The following CCR3 variants were observed in gnomAD, a reference collection of about 807,000 sequenced individuals.
CCR3 encodes C-C chemokine receptor type 3.
For missense variants in CCR3, 419 were observed against 437.5 expected, an observed-to-expected ratio of 0.96 and a Z score of 0.38; for synonymous variants, 203 against 179.2, an observed-to-expected ratio of 1.13 and a Z score of -1.06.
chr3:46,245,973 A>G (rs76607249), intron 1 of CCR3, among the ~76,000 whole-genome samples: 299 of 152,224 alleles, frequency 2.0e-3, no homozygotes, highest in Non-Finnish European at 3.6e-3. Flanking sequence ...GTTTGATTTC[A>G]TGCAAAGGCT....
chr3:46,240,182 C>A (rs1173198070), upstream of CCR3, among the ~76,000 whole-genome samples: 2 of 152,128 alleles, frequency 1.3e-5, no homozygotes, highest in Non-Finnish European at 2.9e-5. Context: ...TGCAAAATTC[C>A]ACCCTCTGCC....
intron 1 of CCR3, chr3:46,264,889 C>T: frequency 2.1e-6 from 1 of 475,588 alleles, no homozygotes. Context: ...ATCTGTATCC[C>T]CATTCTTCAC....
intron 2 of CCR3, among the ~76,000 whole-genome samples, chr3:46,225,079 GA>G: frequency 6.6e-6 from 1 of 152,246 alleles, no homozygotes; most frequent in South Asian, 2.1e-4. Context: ...TCATATGAGA[GA>G]ATACTATATA....
chr3:46,241,164 G>GCACTCTCTCTCT (rs1339831772), upstream of CCR3, among the ~76,000 whole-genome samples: 1 of 47,836 alleles, frequency 2.1e-5, no homozygotes, highest in East Asian at 1.2e-3. Context: ...ACATGTGTGT[G>GCACTCTCTCTCT]CGCTCTCTCT....
chr3:46,219,931 C>G (rs1275507621), intron 2 of CCR3, among the ~76,000 whole-genome samples: 1 of 152,140 alleles, frequency 6.6e-6, no homozygotes, highest in East Asian at 1.9e-4. Flanking sequence ...TTGGCCTAAG[C>G]AAAGAGTTCA....
chr3:46,235,056 G>T (rs1182533769), intron 2 of CCR3, among the ~76,000 whole-genome samples: 1 of 152,226 alleles, frequency 6.6e-6, no homozygotes, highest in East Asian at 1.9e-4. Flanking sequence ...AAATTGGTCA[G>T]ATTTGGAAAG....
chr3:46,257,983 G>A lies in CCR3; in HGVS notation c.-11-7165G>A, dbSNP rs749175540. ...GTCTAAAGCAACAGAAGAAAAGTCT[G>A]TTCCAGCTCTCAAAGACAGACCAAT... On this transcript the variant is annotated intron_variant, in intron 1 of 1. Coordinates refer to ENST00000395940, the MANE Select transcript of CCR3 (RefSeq NM_178329.3). 2.0e-5 allele frequency among the ~76,000 whole-genome samples: 3 copies of A among 152,308 alleles called. No homozygotes were observed. In the South Asian group the frequency reaches 6.2e-4, roughly 32 times the overall value.
At chr3:46,248,733 G>A (rs1293204684) in intron 1 of CCR3, among the ~76,000 whole-genome samples, 1 of 152,214 alleles carries the variant, frequency 6.6e-6, no homozygotes, top group African/African-American at 2.4e-5. Flanking sequence ...GTCAGTCTAA[G>A]TGAAAGCAAA....
intron 2 of CCR3, among the ~76,000 whole-genome samples, chr3:46,236,009 G>A (rs1700020373): frequency 6.6e-6 from 1 of 152,168 alleles, no homozygotes; most frequent in East Asian, 1.9e-4. Context: ...GATGTCAAAT[G>A]TTACTTTGTT....
At chr3:46,247,835 C>T (rs567413562) in intron 1 of CCR3, among the ~76,000 whole-genome samples, 74 of 152,106 alleles carry the variant, frequency 4.9e-4, no homozygotes, top group Middle Eastern at 3.4e-3. Flanking sequence ...GGCAAATCCT[C>T]GAGCTTGATG....
chr3:46,258,934 A>G lies in CCR3; in HGVS notation c.-11-6214A>G, dbSNP rs570406756. ...AGAATAGTAGGATCTGATCTCTTAG[A>G]TCTCTAAGATTTAGGGCTACAATTC... On this transcript the variant is annotated intron_variant, in intron 1 of 1. Coordinates refer to ENST00000395940, the MANE Select transcript of CCR3 (RefSeq NM_178329.3). 3.3e-5 allele frequency among the ~76,000 whole-genome samples: 5 copies of G among 152,286 alleles called. No individual in the cohort carries two copies. The South Asian group carries it at 1.0e-3, about 32-fold the overall frequency.
At position 46,266,648 on chromosome 3, in the gene CCR3, C is replaced by A. The variant is rs1261643955; in HGVS notation, c.*422C>A. The A allele has an allele frequency of 5.8e-6, 1 of 172,324 alleles. No homozygotes were observed. The highest frequency in any genetic ancestry group is 2.4e-5 in the African/African-American group (1 of 41,632). 10.7% of individuals were successfully genotyped at this position (172,324 alleles called of 1,614,324 possible). On this transcript the variant is annotated 3_prime_UTR_variant, in exon 2 of 2. Transcript: ENST00000395940. ...ATTTTATTTTCTAATGTGCCTAGTT[C>A]TTTCCCTGCTTAATGAAAAGCTTGT...
At position 46,265,253 on chromosome 3, in the gene CCR3, T is replaced by A; in HGVS notation, c.95T>A (p.Leu32Gln). 5.6e-6 allele frequency: 9 copies of A among 1,614,070 alleles called. No homozygotes were observed. Among genetic ancestry groups the A allele is most frequent in the Non-Finnish European group, 7.6e-6 (9 of 1,179,972 alleles). Residue 32 changes from leucine (L) to glutamine (Q), a missense_variant, in exon 2 of 2, where the codon CTG becomes CAG. Leu to Gln is a moderately radical substitution (Grantham distance 113). Transcript: ENST00000395940. The part of the protein sequence containing the change: ...LLCEKADTRA[L>Q]MAQFVPPLYS... ...TGTGAAAAAGCTGATACCAGAGCAC[T>A]GATGGCCCAGTTTGTGCCCCCGCTG...
At chr3:46,246,379 C>T (rs994128482) in intron 1 of CCR3, among the ~76,000 whole-genome samples, 9 of 151,490 alleles carry the variant, frequency 5.9e-5, no homozygotes, top group Non-Finnish European at 1.0e-4. Flanking sequence ...AGAGAGTCAG[C>T]GAAGGGAGAT....
chr3:46,258,979 ACAG>A (rs1436404483), intron 1 of CCR3, among the ~76,000 whole-genome samples: 1 of 152,186 alleles, frequency 6.6e-6, no homozygotes, highest in Non-Finnish European at 1.5e-5. Flanking sequence ...TGACATAGAA[ACAG>A]CATTTTAAAA....
chr3:46,258,918 G>A (rs934707968), intron 1 of CCR3, among the ~76,000 whole-genome samples: 2 of 152,178 alleles, frequency 1.3e-5, no homozygotes, highest in Admixed American at 6.5e-5. Context: ...TAGAATAGTA[G>A]GATCTGATCT....
chr3:46,216,167 G>A (rs1699772014), intron 2 of CCR3, among the ~76,000 whole-genome samples: 1 of 152,202 alleles, frequency 6.6e-6, no homozygotes, highest in Non-Finnish European at 1.5e-5. Flanking sequence ...ATTTACACAT[G>A]TGGCAGAAGA....
At chr3:46,255,887 T>C (rs1700413348) in intron 1 of CCR3, among the ~76,000 whole-genome samples, 2 of 152,186 alleles carry the variant, frequency 1.3e-5, no homozygotes, top group South Asian at 2.1e-4. Context: ...ATGTGGGCTC[T>C]TTTTTGGTTC....
At chr3:46,233,544 G>A (rs760110343) in intron 2 of CCR3, among the ~76,000 whole-genome samples, 13 of 151,588 alleles carry the variant, frequency 8.6e-5, no homozygotes, top group South Asian at 2.1e-4. Flanking sequence ...CTTTTTTCCC[G>A]CCCCCCAGAA....
Sources: allele counts gnomAD v4.1 joint callset (sites outside exome capture counted in the v4.1 genomes callset), GRCh38; gene constraint gnomAD v4.1.1; transcripts MANE v1.5; gene names NCBI Gene and HGNC (gene_info 2026-07-23, HGNC 2026-07-21).